Variants in EFHC2 observed in about 807,000 individuals in gnomAD.
The protein encoded by EFHC2 is EF-hand domain-containing family member C2.
EFHC2 carries 18 observed loss-of-function variants against 52.7 expected under a neutral mutation model. That is an observed-to-expected ratio of 0.34 (90% CI 0.24 to 0.51). The LOEUF is 0.51. Ranked by LOEUF, EFHC2 falls within the 20% of genes least tolerant of loss-of-function variation. The pLI, the probability that EFHC2 is intolerant of heterozygous loss-of-function variation, is 0.97. For missense variants in EFHC2, 513 were observed against 562.5 expected (o/e 0.91, Z 0.89); for synonymous variants, 203 against 204.1 (o/e 0.99, Z 0.04).
intron 2 of EFHC2, among the ~76,000 whole-genome samples, chrX:44,287,359 T>C (rs1483006054): frequency 2.7e-5 from 3 of 112,021 alleles, no homozygotes; most frequent in Non-Finnish European, 5.6e-5. Context: ...TGCATTTCTG[T>C]GTGGCAAATG....
At chrX:44,312,071 T>C (rs1343663992) in intron 2 of EFHC2, among the ~76,000 whole-genome samples, 1 of 112,521 alleles carries the variant, frequency 8.9e-6, no homozygotes. Flanking sequence ...TGATTTTTCT[T>C]TGTTTAGGAT....
intron 13 of EFHC2, among the ~76,000 whole-genome samples, chrX:44,166,138 C>T (rs908910249): frequency 1.8e-5 from 2 of 111,728 alleles, no homozygotes; most frequent in East Asian, 2.8e-4. Context: ...CTGACTGATA[C>T]ATTCAGAGTA....
chrX:44,155,251 T>A (rs1314532892), intron 14 of EFHC2, among the ~76,000 whole-genome samples: 1 of 111,800 alleles, frequency 8.9e-6, no homozygotes, highest in Non-Finnish European at 1.9e-5. Context: ...ACTTAAGATG[T>A]CAAACCAGTT....
intron 14 of EFHC2, among the ~76,000 whole-genome samples, chrX:44,154,169 A>G (rs932383882): frequency 8.9e-6 from 1 of 112,540 alleles, no homozygotes; most frequent in Non-Finnish European, 1.9e-5. Flanking sequence ...GAGCACACCA[A>G]TCTGACTTCC....
chrX:44,211,531 C>G (rs1378032482), intron 11 of EFHC2, among the ~76,000 whole-genome samples: 1 of 104,043 alleles, frequency 9.6e-6, no homozygotes, highest in Non-Finnish European at 2.0e-5. Flanking sequence ...CCATCTCAAA[C>G]AAACAAAAAA....
rs201560745 is a variant in EFHC2 at position 44,261,277 on chromosome X, C to T, written c.404G>A (p.Arg135Gln). The change falls in exon 4 of 15, where the codon CGG (arginine) becomes CAG (glutamine). Residue 135 changes from arginine (R) to glutamine (Q), a missense_variant. Transcript: ENST00000420999. ...LLQGTSIRRH[R>Q]ITLPPPDEDQ... ...CTCATCAGGAGGCGGAAGAGTAATC[C>T]GATGACGCCGGATAGAAGTCCCTAT... 1.2e-3 allele frequency: 1,382 copies of T among 1,189,572 alleles called. 4 individuals carry two copies. The Middle Eastern group carries it at 0.014, about 12-fold the overall frequency.
intron 13 of EFHC2, among the ~76,000 whole-genome samples, chrX:44,171,527 A>G (rs567976128): frequency 1.8e-5 from 2 of 111,444 alleles, no homozygotes; most frequent in South Asian, 7.7e-4. Flanking sequence ...ATCTTGAAAC[A>G]CCTGGTAAAA....
At chrX:44,335,146 G>C (rs1187233663) in intron 1 of EFHC2, among the ~76,000 whole-genome samples, 1 of 109,428 alleles carries the variant, frequency 9.1e-6, no homozygotes, top group Non-Finnish European at 1.9e-5. Flanking sequence ...ATGCTACCAA[G>C]TATTGAATAA....
chrX:44,168,682 T>A (rs1319644467), intron 13 of EFHC2, among the ~76,000 whole-genome samples: 1 of 110,421 alleles, frequency 9.1e-6, no homozygotes, highest in Non-Finnish European at 1.9e-5. Flanking sequence ...CAAAATGGAG[T>A]GCAGAGGTGA....
At chrX:44,298,474 C>T (rs1448911409) in intron 2 of EFHC2, among the ~76,000 whole-genome samples, 1 of 111,562 alleles carries the variant, frequency 9.0e-6, no homozygotes, top group Non-Finnish European at 1.9e-5. Flanking sequence ...AATAAGGGAA[C>T]CTCCTGAGGC....
At chrX:44,208,907 A>T (rs1489463305) in intron 11 of EFHC2, among the ~76,000 whole-genome samples, 1 of 111,331 alleles carries the variant, frequency 9.0e-6, no homozygotes, top group Admixed American at 9.5e-5. Context: ...ATAAAATTGG[A>T]GGGCTTAGAA....
intron 2 of EFHC2, chrX:44,309,891 G>T (rs142250881): frequency 5.3e-6 from 6 of 1,136,993 alleles, no homozygotes; most frequent in Non-Finnish European, 7.2e-6. Context: ...TCGTTCAATG[G>T]CATTGAAGAG....
At chrX:44,293,120 G>A (rs752299341) in intron 2 of EFHC2, among the ~76,000 whole-genome samples, 47 of 109,535 alleles carry the variant, frequency 4.3e-4, no homozygotes, top group Non-Finnish European at 7.4e-4. Context: ...GGGATTACAG[G>A]TACGTGCCAC....
intron 11 of EFHC2, among the ~76,000 whole-genome samples, chrX:44,206,361 G>C (rs928441823): frequency 9.0e-6 from 1 of 111,358 alleles, no homozygotes; most frequent in Non-Finnish European, 1.9e-5. Context: ...CCTAGCCAGG[G>C]CAATCAAGCA....
chrX:44,181,397 C>T (rs1953332), intron 11 of EFHC2, among the ~76,000 whole-genome samples: 5,654 of 108,948 alleles, frequency 0.052, 141 homozygotes, highest in South Asian at 0.1. Flanking sequence ...TAGAATATGG[C>T]GTGAAGAAGA....
chrX:44,208,444 A>G (rs2037065654), intron 11 of EFHC2, among the ~76,000 whole-genome samples: 1 of 111,809 alleles, frequency 8.9e-6, no homozygotes. Flanking sequence ...CAAAACGTAC[A>G]CACATACATA....
At chrX:44,229,853 C>T in intron 10 of EFHC2, 74 bp from the exon 11 acceptor site, 1 of 1,017,090 alleles carries the variant, frequency 9.8e-7, no homozygotes, top group East Asian at 3.1e-5. Flanking sequence ...TTGCTGATGG[C>T]CAGCAAAGGG....
At chrX:44,281,233 TTAAGTCTACCTGA>T (rs1173623054) in intron 2 of EFHC2, among the ~76,000 whole-genome samples, 1 of 112,584 alleles carries the variant, frequency 8.9e-6, no homozygotes, top group Non-Finnish European at 1.9e-5. Context: ...AATTATTTTT[TTAAGTCTACCTGA>T]TAAATAGTTC....
At chrX:44,167,810 A>G (rs1160384790) in intron 13 of EFHC2, among the ~76,000 whole-genome samples, 2 of 111,943 alleles carry the variant, frequency 1.8e-5, no homozygotes, top group Admixed American at 9.5e-5. Context: ...ATTAAAAGGA[A>G]TAAAACTAGC....
Sources: allele counts gnomAD v4.1 joint callset (sites outside exome capture counted in the v4.1 genomes callset), GRCh38; gene constraint gnomAD v4.1.1; transcripts MANE v1.5; gene names NCBI Gene and HGNC (gene_info 2026-07-23, HGNC 2026-07-21).